MYT1: variants seen among roughly 807,000 people sequenced by gnomAD.
MYT1 encodes the protein myelin transcription factor I.
MYT1 carries 23 observed loss-of-function variants against 123.0 expected under a neutral mutation model. The observed-to-expected ratio is 0.19, with a 90% CI of 0.13 to 0.26. The LOEUF (loss-of-function observed/expected upper bound fraction) is 0.26. Among genes scored for constraint, MYT1 ranks in the 10% least tolerant of loss-of-function variants. MYT1 has a pLI of 1.00. For missense variants in MYT1, 1,125 were observed against 1,472.5 expected (o/e 0.76, Z 3.86); for synonymous variants, 518 against 575.3 (o/e 0.90, Z 1.43).
At chr20:64,204,895 T>C (rs1205903720) in intron 4 of MYT1, 140 bp from the exon 5 acceptor site, 2 of 737,560 alleles carry the variant, frequency 2.7e-6, no homozygotes, top group Non-Finnish European at 2.3e-6. Flanking sequence ...GGGCGAGTTA[T>C]TAATTTTCAG....
Position 64,205,110 on chromosome 20 carries a change from T to G in MYT1, c.149+13T>G, listed in dbSNP as rs762080422. ...CCAGGCACCGAAGGTAAGAGGACCC[T>G]TGGATCTCACGGAGATTCCTGGGCG... On this transcript the variant is annotated intron_variant, in intron 5 of 22. Coordinates refer to ENST00000328439, the MANE Select transcript of MYT1 (RefSeq NM_004535.3). 6.2e-7 allele frequency: 1 copy of G among 1,613,718 alleles called. No homozygotes were observed. Among genetic ancestry groups the G allele is most frequent in the East Asian group, 2.2e-5 (1 of 44,896 alleles).
In MYT1 at chr20:64,179,843, C is replaced by T. The variant is rs530940747; in HGVS notation, c.-98-10220C>T. 2.0e-5 allele frequency among the ~76,000 whole-genome samples: 3 copies of T among 152,068 alleles called. No homozygotes were observed. In the South Asian group the frequency reaches 6.2e-4, roughly 32 times the overall value. On this transcript the variant is annotated intron_variant, in intron 1 of 22. Coordinates refer to ENST00000328439, the MANE Select transcript of MYT1 (RefSeq NM_004535.3). ...ACAGTTACACAATGCTACACACACA[C>T]AGTTACACACACATACTACACACAG... is the stretch of plus-strand genomic sequence containing the variant.
At chr20:64,201,963 CCCCGCG>C (rs1568708138) in intron 4 of MYT1, among the ~76,000 whole-genome samples, 5 of 146,654 alleles carry the variant, frequency 3.4e-5, no homozygotes, top group South Asian at 2.2e-4. Flanking sequence ...TGTCGGGAAC[CCCCGCG>C]TGTCGGGAAC....
intron 10 of MYT1, 63 bp from the exon 11 acceptor site, chr20:64,217,004 G>A: frequency 1.3e-6 from 2 of 1,513,850 alleles, no homozygotes; most frequent in East Asian, 2.3e-5. Context: ...TGGGGTTGGG[G>A]AGGGTGGCAC....
At chr20:64,188,803 A>T (rs1322675114) in intron 1 of MYT1, among the ~76,000 whole-genome samples, 1 of 152,124 alleles carries the variant, frequency 6.6e-6, no homozygotes, top group Admixed American at 6.5e-5. Flanking sequence ...CTCCCTCCTC[A>T]CTAGTCCAGG....
chr20:64,182,524 C>A (rs1982684128), intron 1 of MYT1, among the ~76,000 whole-genome samples: 1 of 152,228 alleles, frequency 6.6e-6, no homozygotes, highest in African/African-American at 2.4e-5. Flanking sequence ...GGCAGGTCGC[C>A]TTCCTTTGGC....
intron 13 of MYT1, among the ~76,000 whole-genome samples, chr20:64,221,628 C>A (rs1287791967): frequency 6.6e-6 from 1 of 152,174 alleles, no homozygotes; most frequent in Admixed American, 6.5e-5. Flanking sequence ...CAGGAGCCTG[C>A]CACACTGGGC....
intron 6 of MYT1, among the ~76,000 whole-genome samples, chr20:64,206,494 G>C (rs1259484462): frequency 6.6e-6 from 1 of 152,156 alleles, no homozygotes; most frequent in Admixed American, 6.5e-5. Context: ...GAGAGCCCTG[G>C]CAGATCTGTA....
chr20:64,241,969 G>A lies in MYT1; in HGVS notation c.*1521G>A, dbSNP rs1403147866. 6.6e-6 allele frequency: 1 copy of A among 152,266 alleles called. No individual in the cohort carries two copies. The highest frequency in any genetic ancestry group is 1.5e-5 in the Non-Finnish European group (1 of 68,024). The allele number at this position is 152,266 out of a possible 1,614,324, so 9.4% of individuals were successfully genotyped here. On this transcript the variant is annotated 3_prime_UTR_variant, in exon 23 of 23. Transcript: ENST00000328439. This position sits in a 1 kb window ranked among gnomAD's most constrained non-coding sequence, Gnocchi z 4.2. ...TTTCAGGCACGGATAACAGCAAATG[G>A]AATTCTGTATTTATTATTATTTAAG...
chr20:64,196,536 A>G lies in MYT1; in HGVS notation c.1-2326A>G, dbSNP rs1288902569. ...CAGAAACCAGTGTCCCAAGTCACCC[A>G]GCTCTTACGGGTTCATTCTCGTATT... On this transcript the variant is annotated intron_variant, in intron 2 of 22. Coordinates refer to ENST00000328439, the MANE Select transcript of MYT1 (RefSeq NM_004535.3). This position sits in a 1 kb window ranked among gnomAD's most constrained non-coding sequence, Gnocchi z 4.3. Among the ~76,000 whole-genome samples the G allele has an allele frequency of 1.3e-4, 20 of 152,226 alleles. No homozygotes were observed. The highest frequency in any genetic ancestry group is 1.3e-3 in the Admixed American group (20 of 15,284).
At chr20:64,211,940 C>T in intron 8 of MYT1, 108 bp from the exon 9 acceptor site, 1 of 892,164 alleles carries the variant, frequency 1.1e-6, no homozygotes, top group East Asian at 2.5e-5. Flanking sequence ...CAAGCAGCAG[C>T]CTTTGGACAA....
rs1183676595 is a variant in MYT1, at chr20:64,192,586, A to T, written c.-1+2426A>T. 6.6e-6 allele frequency among the ~76,000 whole-genome samples: 1 copy of T among 152,230 alleles called. No individual in the cohort carries two copies. Among genetic ancestry groups the T allele is most frequent in the African/African-American group, 2.4e-5 (1 of 41,460 alleles). On this transcript the variant is annotated intron_variant, in intron 2 of 22. Coordinates refer to ENST00000328439, the MANE Select transcript of MYT1 (RefSeq NM_004535.3). This position sits in a 1 kb window ranked among gnomAD's most constrained non-coding sequence, Gnocchi z 5.3. ...CGTGCCTCTGAGTTCAGCACCAGGC[A>T]TGTGGACAGCTCAGGACCGGTTGGA...
intron 1 of MYT1, among the ~76,000 whole-genome samples, chr20:64,184,021 T>C (rs1450487532): frequency 6.6e-6 from 1 of 152,124 alleles, no homozygotes; most frequent in Non-Finnish European, 1.5e-5. Context: ...GGCTTCACCA[T>C]GCTGGCCAGG....
chr20:64,214,827 GC>G (rs1169453869), intron 10 of MYT1, among the ~76,000 whole-genome samples: 6 of 152,210 alleles, frequency 3.9e-5, no homozygotes, highest in African/African-American at 1.4e-4. Context: ...CCTGACCCCG[GC>G]CCTTCCTGGC....
chr20:64,171,257 G>A (rs1361760866), intron 1 of MYT1, among the ~76,000 whole-genome samples: 1 of 152,132 alleles, frequency 6.6e-6, no homozygotes, highest in Admixed American at 6.5e-5. Context: ...CGTGCTGCAA[G>A]CTTGCTGCCT....
intron 1 of MYT1, among the ~76,000 whole-genome samples, chr20:64,178,567 G>T (rs1763009): frequency 1.3e-5 from 1 of 79,344 alleles, no homozygotes; most frequent in Admixed American, 1.3e-4. Flanking sequence ...GCCGTTATTC[G>T]GTGGGATACC....
rs75499635 is a variant in MYT1, at chr20:64,166,369, C to A, written c.-99+1630C>A. 2.6e-5 allele frequency among the ~76,000 whole-genome samples: 4 copies of A among 152,094 alleles called. No individual in the cohort carries two copies. Among genetic ancestry groups the A allele is most frequent in the African/African-American group, 9.7e-5 (4 of 41,398 alleles). On this transcript the variant is annotated intron_variant, in intron 1 of 22. Transcript: ENST00000328439. The surrounding 1 kb of genome is among the most constrained non-coding windows in gnomAD (Gnocchi z 4.9). ...GTAGAGACTGAGACTCCTACAGGGTCCCCCCGACCCCCTGGGCACCTGGAC... is the reference window on the plus strand; with the variant it reads ...GTAGAGACTGAGACTCCTACAGGGTACCCCCGACCCCCTGGGCACCTGGAC...
In MYT1 at chr20:64,196,104, C is replaced by T. The variant is rs1450580338; in HGVS notation, c.1-2758C>T. ...TTTCACTCTCAAGGGGAGAGGTCAC[C>T]GGGCTATCTGTGGGTTGCGCAAAAA... On this transcript the variant is annotated intron_variant, in intron 2 of 22. Coordinates refer to ENST00000328439, the MANE Select transcript of MYT1 (RefSeq NM_004535.3). The surrounding 1 kb of genome is among the most constrained non-coding windows in gnomAD (Gnocchi z 4.3). Among the ~76,000 whole-genome samples, 6 of 152,160 alleles carry T rather than the reference C, an allele frequency of 3.9e-5. No individual in the cohort carries two copies. Among genetic ancestry groups the T allele is most frequent in the Non-Finnish European group, 5.9e-5 (4 of 68,034 alleles).
chr20:64,173,529 TGC>T, intron 1 of MYT1, among the ~76,000 whole-genome samples: 1 of 123,522 alleles, frequency 8.1e-6, no homozygotes, highest in Non-Finnish European at 1.8e-5. Context: ...CTTCTCCTCC[TGC>T]AGCATCCTTC....
Sources: allele counts gnomAD v4.1 joint callset (sites outside exome capture counted in the v4.1 genomes callset), GRCh38; gene constraint gnomAD v4.1.1; non-coding constraint Gnocchi (gnomAD v3.1); transcripts MANE v1.5; gene names NCBI Gene and HGNC (gene_info 2026-07-23, HGNC 2026-07-21).